The following CDH12 variants were observed in gnomAD, a reference collection of about 807,000 sequenced individuals.
CDH12 encodes the protein cadherin-12.
Under a neutral mutation model 74.1 loss-of-function variants are expected in CDH12, and 41 were observed. That is an observed-to-expected ratio of 0.55 (90% confidence interval 0.43 to 0.72). The LOEUF (loss-of-function observed/expected upper bound fraction) is 0.72. CDH12 is among the 30% of genes least tolerant of loss of function. CDH12 has a pLI of 0.00. For synonymous variants in CDH12, 399 were observed against 355.0 expected (o/e 1.12, Z -1.39); for missense variants, 945 against 977.2 (o/e 0.97, Z 0.44).
intron 1 of CDH12, among the ~76,000 whole-genome samples, chr5:22,807,261 G>T (rs1430621640): frequency 6.6e-6 from 1 of 152,122 alleles, no homozygotes; most frequent in African/African-American, 2.4e-5. Flanking sequence ...GGAATTTTCA[G>T]TGATTATCTT....
intron 3 of CDH12, among the ~76,000 whole-genome samples, chr5:22,333,738 A>G (rs1739443729): frequency 6.6e-6 from 1 of 152,222 alleles, no homozygotes; most frequent in South Asian, 2.1e-4. Flanking sequence ...TCTTAACGAT[A>G]CACTAGCAAA....
intron 9 of CDH12, among the ~76,000 whole-genome samples, chr5:21,812,715 A>G (rs1747815443): frequency 6.6e-6 from 1 of 152,174 alleles, no homozygotes; most frequent in South Asian, 2.1e-4. Context: ...TAAACACAAT[A>G]CACGATACAA....
intron 3 of CDH12, among the ~76,000 whole-genome samples, chr5:22,338,446 G>A (rs1047256740): frequency 7.2e-5 from 11 of 151,952 alleles, no homozygotes; most frequent in African/African-American, 2.7e-4. Context: ...AGAGGGTGGT[G>A]GGAAACTGGA....
At chr5:22,289,740 A>G (rs2150412313) in intron 3 of CDH12, among the ~76,000 whole-genome samples, 1 of 152,278 alleles carries the variant, frequency 6.6e-6, no homozygotes, top group South Asian at 2.1e-4. Context: ...AGCACAAGAG[A>G]GAAACGGTCT....
At chr5:22,255,976 A>G (rs1753299595) in intron 3 of CDH12, among the ~76,000 whole-genome samples, 1 of 152,048 alleles carries the variant, frequency 6.6e-6, no homozygotes, top group Non-Finnish European at 1.5e-5. Flanking sequence ...GCAGTATACT[A>G]GGCACTGTGT....
intron 1 of CDH12, among the ~76,000 whole-genome samples, chr5:22,832,866 T>A (rs1736678552): frequency 6.6e-6 from 1 of 152,188 alleles, no homozygotes. Flanking sequence ...ATGTCCTTAC[T>A]AAATCAATGA....
At chr5:22,397,173 G>A (rs1018517395) in intron 3 of CDH12, among the ~76,000 whole-genome samples, 6 of 151,998 alleles carry the variant, frequency 3.9e-5, no homozygotes, top group African/African-American at 1.4e-4. Context: ...TTATTATCAC[G>A]TGGCAGATTC....
chr5:22,737,646 C>G (rs1403798942), intron 1 of CDH12, among the ~76,000 whole-genome samples: 1 of 151,974 alleles, frequency 6.6e-6, no homozygotes, highest in Non-Finnish European at 1.5e-5. Context: ...TAAAAAACAT[C>G]TAAGACAGAA....
intron 2 of CDH12, among the ~76,000 whole-genome samples, chr5:22,470,770 T>C (rs1745925515): frequency 1.3e-5 from 2 of 152,166 alleles, no homozygotes; most frequent in African/African-American, 4.8e-5. Flanking sequence ...TTGGTAGATA[T>C]GAAGCTATAA....
intron 3 of CDH12, among the ~76,000 whole-genome samples, chr5:22,235,560 G>A (rs1483765278): frequency 1.4e-5 from 2 of 142,290 alleles, no homozygotes; most frequent in Non-Finnish European, 3.0e-5. Flanking sequence ...CAGCCTGGGT[G>A]ACAGAGAGAG....
At position 21,751,067 on chromosome 5, in the gene CDH12, T is replaced by C. The variant is rs962523479; in HGVS notation, c.*670A>G. On this transcript the variant is annotated 3_prime_UTR_variant, in exon 15 of 15. Transcript: ENST00000382254. ...TTTGGGACTTACATATTGAACTTGA[T>C]ATTTTCATATTTATTTCAATTTTCT... is the stretch of plus-strand genomic sequence containing the variant. 1.3e-5 allele frequency: 2 copies of C among 152,588 alleles called. No homozygotes were observed. Among genetic ancestry groups the C allele is most frequent in the South Asian group, 2.1e-4 (1 of 4,828 alleles). The allele number at this position is 152,588 out of a possible 1,614,324, so 9.5% of individuals were successfully genotyped here.
chr5:22,060,406 A>G (rs1248875825), intron 5 of CDH12, among the ~76,000 whole-genome samples: 3 of 152,148 alleles, frequency 2.0e-5, no homozygotes, highest in Non-Finnish European at 2.9e-5. Flanking sequence ...TGAGAGGTGC[A>G]GCAAACCACC....
intron 2 of CDH12, among the ~76,000 whole-genome samples, chr5:22,472,369 C>T (rs898111362): frequency 6.6e-6 from 1 of 151,984 alleles, no homozygotes; most frequent in Non-Finnish European, 1.5e-5. Context: ...CAGATCCTTC[C>T]TCTTCTCTCT....
intron 1 of CDH12, among the ~76,000 whole-genome samples, chr5:22,671,544 C>T (rs1315125327): frequency 6.6e-6 from 1 of 152,104 alleles, no homozygotes; most frequent in Non-Finnish European, 1.5e-5. Context: ...TACTCCCCAA[C>T]ATGAAAATCC....
chr5:22,821,643 A>G (rs1197591548), intron 1 of CDH12, among the ~76,000 whole-genome samples: 1 of 152,066 alleles, frequency 6.6e-6, no homozygotes, highest in Non-Finnish European at 1.5e-5. Context: ...TGCTTCAAAG[A>G]GAATAAAATA....
At chr5:21,942,947 C>A (rs1376246058) in intron 6 of CDH12, among the ~76,000 whole-genome samples, 1 of 152,096 alleles carries the variant, frequency 6.6e-6, no homozygotes, top group Non-Finnish European at 1.5e-5. Context: ...CCCATAATGC[C>A]CATGTGTTGA....
At chr5:22,236,330 CACAA>C (rs1347803967) in intron 3 of CDH12, among the ~76,000 whole-genome samples, 1 of 152,174 alleles carries the variant, frequency 6.6e-6, no homozygotes, top group Non-Finnish European at 1.5e-5. Flanking sequence ...TAGCTTAAAA[CACAA>C]ACACATACAG....
At chr5:22,831,890 C>G (rs1038759115) in intron 1 of CDH12, among the ~76,000 whole-genome samples, 4 of 151,888 alleles carry the variant, frequency 2.6e-5, no homozygotes, top group African/African-American at 9.7e-5. Flanking sequence ...AAGCAAGACT[C>G]TGTCCCCCCC....
chr5:22,714,997 A>G (rs1384944430), intron 1 of CDH12, among the ~76,000 whole-genome samples: 1 of 152,190 alleles, frequency 6.6e-6, no homozygotes, highest in Non-Finnish European at 1.5e-5. Flanking sequence ...TTTCCCAGGC[A>G]TAAGAGAATT....
Sources: allele counts gnomAD v4.1 joint callset (sites outside exome capture counted in the v4.1 genomes callset), GRCh38; gene constraint gnomAD v4.1.1; transcripts MANE v1.5; gene names NCBI Gene and HGNC (gene_info 2026-07-23, HGNC 2026-07-21).